Variants in PCDHGA1 observed in about 807,000 individuals in gnomAD.
PCDHGA1 encodes protocadherin gamma-A1.
In PCDHGA1, 32 loss-of-function variants were observed where a neutral mutation model predicts 58.0. That is an observed-to-expected ratio of 0.55 (90% CI 0.42 to 0.74). PCDHGA1 has a LOEUF of 0.74. Ranked by LOEUF, PCDHGA1 falls within the 30% of genes least tolerant of loss-of-function variation. The pLI is 0.00. For synonymous variants in PCDHGA1, 498 were observed against 501.1 expected, an observed-to-expected ratio of 0.99 and a Z score of 0.08; for missense variants, 1,205 against 1,182.3, an observed-to-expected ratio of 1.02 and a Z score of -0.28.
At chr5:141,407,856 G>A (rs1038275806) in intron 1 of PCDHGA1, among the ~76,000 whole-genome samples, 2 of 152,210 alleles carry the variant, frequency 1.3e-5, no homozygotes, top group African/African-American at 4.8e-5. Context: ...ATGTACACCT[G>A]CATTTTCGAA....
rs764337284 is a variant in PCDHGA1, at chr5:141,490,255, G to A, written c.2422-4552G>A. Reference sequence around the variant, plus strand: ...GGAGGGCCACTGTGTGATTCAAGTGGATGTGGGGGATGTCAATGACAATGC... The same window carrying A: ...GGAGGGCCACTGTGTGATTCAAGTGAATGTGGGGGATGTCAATGACAATGC... On this transcript the variant is annotated intron_variant, in intron 1 of 3. Transcript: ENST00000517417. The surrounding 1 kb of genome is among the most constrained non-coding windows in gnomAD (Gnocchi z 5.4). 6 of 1,614,118 alleles carry A rather than the reference G, an allele frequency of 3.7e-6. No individual in the cohort carries two copies. In the Admixed American group the frequency reaches 6.7e-5, roughly 18 times the overall value.
At chr5:141,400,126 G>A (rs1428204829) in intron 1 of PCDHGA1, 2 of 1,613,972 alleles carry the variant, frequency 1.2e-6, no homozygotes, top group East Asian at 2.2e-5. Context: ...CTTGCAGGAG[G>A]TGCTGCCGGA....
chr5:141,447,449 C>A (rs2098539583), intron 1 of PCDHGA1, among the ~76,000 whole-genome samples: 1 of 152,058 alleles, frequency 6.6e-6, no homozygotes, highest in Non-Finnish European at 1.5e-5. Flanking sequence ...AAATTTTTAA[C>A]CTCAGTTTTT....
At chr5:141,361,782 C>T (rs1762181637) in intron 1 of PCDHGA1, 3 of 1,613,242 alleles carry the variant, frequency 1.9e-6, no homozygotes, top group Non-Finnish European at 2.5e-6. Flanking sequence ...TGAGCCTGCG[C>T]GTGTTAGTGG....
rs144494457 is a variant in PCDHGA1, at chr5:141,332,656, G to A, written c.1972G>A (p.Val658Ile). Residue 658 changes from valine (V) to isoleucine (I), a missense_variant, in exon 1 of 4, where the codon GTC becomes ATC. Physicochemically the swap from Val to Ile is conservative, Grantham distance 29. Coordinates refer to ENST00000517417, the MANE Select transcript of PCDHGA1 (RefSeq NM_018912.3). This position sits in a 1 kb window ranked among gnomAD's most constrained non-coding sequence, Gnocchi z 4.6. ...CGGCCAGCCCCCGCTCTCCGCCACTGTCACGCTCACCGTGGCCGTGGCCGA... is the reference window on the plus strand; with the variant it reads ...CGGCCAGCCCCCGCTCTCCGCCACTATCACGCTCACCGTGGCCGTGGCCGA... The part of the protein sequence containing the change: ...DHGQPPLSAT[V>I]TLTVAVADRI... 6,155 of 1,613,324 alleles carry A rather than the reference G, an allele frequency of 3.8e-3. 26 individuals carry two copies. Among genetic ancestry groups the A allele is most frequent in the Middle Eastern group, 5.0e-3 (28 of 5,640 alleles).
At chr5:141,370,648 T>A in intron 1 of PCDHGA1, 1 of 1,613,920 alleles carries the variant, frequency 6.2e-7, no homozygotes, top group Non-Finnish European at 8.5e-7. Context: ...GGGAACTTAC[T>A]TGTGAGCGAC....
chr5:141,485,426 C>T lies in PCDHGA1; in HGVS notation c.2422-9381C>T. 6.2e-7 allele frequency: 1 copy of T among 1,614,158 alleles called. No individual in the cohort carries two copies. Among genetic ancestry groups the T allele is most frequent in the South Asian group, 1.1e-5 (1 of 91,078 alleles). ...TGTGGATTTGGACAGCGGAGCCCTGCTCATCAAGAACCCAATCGACCGAGA... is the reference window on the plus strand; with the variant it reads ...TGTGGATTTGGACAGCGGAGCCCTGTTCATCAAGAACCCAATCGACCGAGA... On this transcript the variant is annotated intron_variant, in intron 1 of 3. Transcript: ENST00000517417. The surrounding 1 kb of genome is among the most constrained non-coding windows in gnomAD (Gnocchi z 5.7).
In PCDHGA1 at chr5:141,420,134, G is replaced by A. The variant is rs769225630; in HGVS notation, c.2422-74673G>A. The A allele has an allele frequency of 1.1e-5, 18 of 1,613,952 alleles. No homozygotes were observed. Among genetic ancestry groups the A allele is most frequent in the Non-Finnish European group, 1.4e-5 (17 of 1,179,876 alleles). Reference sequence around the variant, plus strand: ...TGCCTATAATTTTTGTGTGCCTGGGGATCAAATGAATCCAGAATTTAATTT... The same window carrying A: ...TGCCTATAATTTTTGTGTGCCTGGGAATCAAATGAATCCAGAATTTAATTT... On this transcript the variant is annotated intron_variant, in intron 1 of 3. Coordinates refer to ENST00000517417, the MANE Select transcript of PCDHGA1 (RefSeq NM_018912.3).
intron 1 of PCDHGA1, among the ~76,000 whole-genome samples, chr5:141,467,062 T>C (rs2099136058): frequency 6.6e-6 from 1 of 151,686 alleles, no homozygotes; most frequent in South Asian, 2.1e-4. Context: ...TTTCTTTTTT[T>C]TTTTTTTTTA....
rs767149198 is a variant in PCDHGA1, at chr5:141,340,249, T to C, written c.2421+7144T>C. On this transcript the variant is annotated intron_variant, in intron 1 of 3. Coordinates refer to ENST00000517417, the MANE Select transcript of PCDHGA1 (RefSeq NM_018912.3). The stretch of plus-strand genomic sequence containing the variant: ...ACAACATCACTCTAACCGCTAAAGA[T>C]GGAGGGAACCCCTCCCTGTCCACGG... 5.6e-6 allele frequency: 9 copies of C among 1,614,182 alleles called. No homozygotes were observed. In the South Asian group the frequency reaches 9.9e-5, roughly 18 times the overall value.
In PCDHGA1 at chr5:141,343,245, G is replaced by T. The variant is rs1332071008; in HGVS notation, c.2421+10140G>T. The T allele has an allele frequency of 4.3e-6, 4 of 922,118 alleles. No individual in the cohort carries two copies. The South Asian group carries it at 1.5e-4, about 35-fold the overall frequency. The allele number at this position is 922,118 out of a possible 1,614,324, so 57.1% of individuals were successfully genotyped here. ...TGAATATTAAATAACAACAAATATC[G>T]AAACTAAGTTATCAGGTCACCAAGA... On this transcript the variant is annotated intron_variant, in intron 1 of 3. Coordinates refer to ENST00000517417, the MANE Select transcript of PCDHGA1 (RefSeq NM_018912.3).
intron 1 of PCDHGA1, chr5:141,410,302 A>C: frequency 1.2e-6 from 2 of 1,613,356 alleles, no homozygotes; most frequent in Non-Finnish European, 1.7e-6. Flanking sequence ...CCTTAATCTC[A>C]GTGCTCTTCC....
chr5:141,421,505 G>A (rs745883683), intron 1 of PCDHGA1: 3 of 1,614,058 alleles, frequency 1.9e-6, no homozygotes, highest in South Asian at 1.1e-5. Context: ...AGGATAGACC[G>A]GGAGGAGCTC....
rs1756329282 is a variant in PCDHGA1 at position 141,330,879 on chromosome 5, C to T, written c.195C>T (p.Arg65=). The T allele has an allele frequency of 1.2e-6, 2 of 1,614,120 alleles. No homozygotes were observed. The part of the protein sequence containing the change: ...QPQELADGGV[R]IVSRGRMPLF... ...AGGAGCTGGCAGATGGCGGAGTCCG[C>T]ATCGTCTCCAGAGGTAGGATGCCGC... The change falls in exon 1 of 4, where the codon CGC becomes CGT. Residue 65 remains arginine (R), a synonymous_variant. Transcript: ENST00000517417.
chr5:141,482,069 G>A (rs892777397), intron 1 of PCDHGA1, among the ~76,000 whole-genome samples: 1 of 138,078 alleles, frequency 7.2e-6, no homozygotes, highest in Non-Finnish European at 1.5e-5. Context: ...TGGGCAACAA[G>A]AACAAAACTC....
Position 141,344,610 on chromosome 5 carries a change from G to C in PCDHGA1, c.2421+11505G>C, listed in dbSNP as rs1245927345. ...CGTCTCTGAGGGGGCCAAGTATCCA[G>C]AGCTGGTGCTGGAGCGGGCCCTGGA... On this transcript the variant is annotated intron_variant, in intron 1 of 3. Transcript: ENST00000517417. The C allele has an allele frequency of 5.6e-6, 9 of 1,613,992 alleles. No homozygotes were observed. The Admixed American group carries it at 1.5e-4, about 27-fold the overall frequency.
intron 1 of PCDHGA1, among the ~76,000 whole-genome samples, chr5:141,381,670 T>C (rs1383738220): frequency 6.6e-6 from 1 of 152,198 alleles, no homozygotes; most frequent in Non-Finnish European, 1.5e-5. Context: ...CTATAGCTGA[T>C]TGCTGCAGCC....
At chr5:141,364,236 A>G (rs1179027324) in intron 1 of PCDHGA1, 1 of 1,433,738 alleles carries the variant, frequency 7.0e-7, no homozygotes, top group Non-Finnish European at 9.3e-7. Flanking sequence ...CTCCACGCCC[A>G]TTTTCGTCAG....
chr5:141,364,693 A>G, intron 1 of PCDHGA1: 1 of 1,614,018 alleles, frequency 6.2e-7, no homozygotes, highest in South Asian at 1.1e-5. Context: ...GAGTAGAAGT[A>G]GAAATAATCG....
Sources: gnomAD v4.1 joint callset for allele counts (sites outside exome capture counted in the v4.1 genomes callset) on GRCh38, gnomAD v4.1.1 for gene constraint, Gnocchi (gnomAD v3.1) non-coding constraint, MANE v1.5 for transcripts, NCBI Gene and HGNC (gene_info 2026-07-23, HGNC 2026-07-21) for gene names.